MST1R: variants seen among roughly 807,000 people sequenced by gnomAD.
The protein encoded by MST1R is macrophage stimulating 1 receptor, also known as macrophage-stimulating protein receptor.
In MST1R, 99 loss-of-function variants were observed where a neutral mutation model predicts 117.8. The observed-to-expected ratio is 0.84, with a 90% confidence interval of 0.71 to 0.99. The LOEUF (loss-of-function observed/expected upper bound fraction) is 0.99. Ranked by LOEUF, MST1R falls within the 50% of genes least tolerant of loss-of-function variation. MST1R has a pLI of 0.00. For missense variants in MST1R, 1,683 were observed against 1,840.2 expected, an observed-to-expected ratio of 0.91 and a Z score of 1.56; for synonymous variants, 734 against 765.3, an observed-to-expected ratio of 0.96 and a Z score of 0.68.
chr3:49,894,224 T>A lies in MST1R; in HGVS notation c.3271+943A>T, dbSNP rs189727985. On this transcript the variant is annotated intron_variant, in intron 14 of 19. Transcript: ENST00000296474. ...GAGTGAAATTCTGTCTCAAAAAAAA[T>A]AATAATAATAAAATAGAATAAAAAT... 3.9e-3 allele frequency among the ~76,000 whole-genome samples: 555 copies of A among 142,678 alleles called. 4 individuals are homozygous for A. The highest frequency in any genetic ancestry group is 0.013 in the African/African-American group (488 of 38,550). The allele number at this position is 142,678 out of a possible 152,430, so 93.6% of individuals were successfully genotyped here.
chr3:49,903,031 C>T lies in MST1R; in HGVS notation c.579G>A (p.Gln193=). 3 of 1,612,376 alleles carry T rather than the reference C, an allele frequency of 1.9e-6. No homozygotes were observed. Among genetic ancestry groups the T allele is most frequent in the Non-Finnish European group, 2.5e-6 (3 of 1,180,046 alleles). The change falls in exon 1 of 20, where the codon CAG becomes CAA. Residue 193 remains glutamine (Q), a synonymous_variant. Coordinates refer to ENST00000296474, the MANE Select transcript of MST1R (RefSeq NM_002447.4). ...AGGATGCCACGTAGAAATAGGAGGC[C>T]TGGCCTTGCTCAACCACAGTTACAC... is the stretch of plus-strand genomic sequence containing the variant. ...GTRVTVVEQG[Q]ASYFYVASSL...
intron 14 of MST1R, among the ~76,000 whole-genome samples, chr3:49,892,524 C>A (rs2082344486): frequency 6.6e-6 from 1 of 151,556 alleles, no homozygotes; most frequent in Non-Finnish European, 1.5e-5. Flanking sequence ...GAGACTCCAT[C>A]CCCCTCAAAG....
chr3:49,890,235 C>G (rs1270999349), intron 18 of MST1R, among the ~76,000 whole-genome samples, 175 bp from the exon 19 acceptor site: 1 of 152,202 alleles, frequency 6.6e-6, no homozygotes, highest in Non-Finnish European at 1.5e-5. Flanking sequence ...CTCCCACTAC[C>G]TCATCCTACC....
chr3:49,887,662 G>A (rs2082203112), intron 19 of MST1R, 100 bp from the exon 20 acceptor site: 2 of 1,357,624 alleles, frequency 1.5e-6, no homozygotes, highest in East Asian at 4.6e-5. Context: ...CAGGGATGAG[G>A]ATAGATGACA....
chr3:49,888,558 C>T (rs1399974781), intron 19 of MST1R, among the ~76,000 whole-genome samples: 1 of 151,326 alleles, frequency 6.6e-6, no homozygotes, highest in Non-Finnish European at 1.5e-5. Flanking sequence ...GCCAACATTG[C>T]GCCACCGCAC....
Position 49,899,272 on chromosome 3 carries a change from G to T in MST1R, c.1231-9C>A. 6.2e-7 allele frequency: 1 copy of T among 1,613,688 alleles called. No homozygotes were observed. The highest frequency in any genetic ancestry group is 8.5e-7 in the Non-Finnish European group (1 of 1,179,756). On this transcript the variant is annotated splice_polypyrimidine_tract_variant and intron_variant, in intron 1 of 19. Coordinates refer to ENST00000296474, the MANE Select transcript of MST1R (RefSeq NM_002447.4). ...AGGGCTTCCAGGCCAGGCTGGGAAAGGTCAGGGAAGGGAAGGAGTCAGGGT... is the reference window on the plus strand; with the variant it reads ...AGGGCTTCCAGGCCAGGCTGGGAAATGTCAGGGAAGGGAAGGAGTCAGGGT...
At chr3:49,890,365 G>A in intron 18 of MST1R, 120 bp downstream of exon 18, 1 of 1,102,980 alleles carries the variant, frequency 9.1e-7, no homozygotes, top group East Asian at 2.6e-5. Flanking sequence ...GAGCAGATGG[G>A]CTGTGGGGGT....
chr3:49,891,581 C>T lies in MST1R; in HGVS notation c.3353-1G>A. The T allele has an allele frequency of 1.2e-6, 2 of 1,613,730 alleles. No individual in the cohort carries two copies. Among genetic ancestry groups the T allele is most frequent in the East Asian group, 4.5e-5 (2 of 44,888 alleles). ...TCCACCTGCTGCATCTCTGTGATGCCTGCAGAGCAGCGCAAGTCAGGCACA... is the reference window on the plus strand; with the variant it reads ...TCCACCTGCTGCATCTCTGTGATGCTTGCAGAGCAGCGCAAGTCAGGCACA... On this transcript the variant is annotated splice_acceptor_variant, in intron 15 of 19. Transcript: ENST00000296474. LOFTEE classifies it high-confidence loss of function.
intron 5 of MST1R, 106 bp from the exon 6 acceptor site, chr3:49,897,791 C>G: frequency 7.1e-7 from 1 of 1,406,146 alleles, no homozygotes; most frequent in Non-Finnish European, 9.6e-7. Context: ...TGGCATTTCT[C>G]CACCCATGCC....
intron 14 of MST1R, among the ~76,000 whole-genome samples, chr3:49,893,448 A>G (rs1159979926): frequency 6.6e-6 from 1 of 151,784 alleles, no homozygotes; most frequent in African/African-American, 2.4e-5. Context: ...TACTAAAAAT[A>G]CAAAAATTAG....
At chr3:49,890,461 A>T (rs760119381) in intron 18 of MST1R, 24 bp downstream of exon 18, 1 of 1,598,942 alleles carries the variant, frequency 6.3e-7, no homozygotes, top group Non-Finnish European at 8.5e-7. Context: ...AGCCATGTGG[A>T]CTGTAGGGCA....
intron 14 of MST1R, among the ~76,000 whole-genome samples, chr3:49,892,412 A>G (rs1403840028): frequency 1.3e-5 from 2 of 151,928 alleles, no homozygotes; most frequent in African/African-American, 2.4e-5. Context: ...CTCTAGTCCC[A>G]GCTGCTTGGG....
Position 49,895,483 on chromosome 3 carries a change from T to C in MST1R, c.3028A>G (p.Ile1010Val), listed in dbSNP as rs760746470. The C allele has an allele frequency of 4.3e-6, 7 of 1,614,070 alleles. No individual in the cohort carries two copies. Among genetic ancestry groups the C allele is most frequent in the South Asian group, 2.2e-5 (2 of 91,080 alleles). ...CTGTAGTCAGAGCCCGAGTACAGAA[T>C]AGGCAGGGGTGTGGCTCCAGCAGTC... ...DQTAGATPLPILYSGSDYRSG... is the reference protein window; with the variant it reads ...DQTAGATPLPVLYSGSDYRSG... Residue 1010 changes from isoleucine (I) to valine (V), a missense_variant, in exon 13 of 20, where the codon ATT becomes GTT. Physicochemically the swap from Ile to Val is conservative, Grantham distance 29 (BLOSUM62 3). Coordinates refer to ENST00000296474, the MANE Select transcript of MST1R (RefSeq NM_002447.4).
In MST1R at chr3:49,887,693, C is replaced by T. The variant is rs1022547266; in HGVS notation, c.3948-131G>A. 9.4e-6 allele frequency: 9 copies of T among 957,320 alleles called. No individual in the cohort carries two copies. In the Admixed American group the frequency reaches 1.6e-4, roughly 17 times the overall value. The allele number at this position is 957,320 out of a possible 1,614,324, so 59.3% of individuals were successfully genotyped here. ...TGACAGGACCTAGTACCTAGCACTA[C>T]CCAATCAGGGGCAGCTCTTCTCATC... is the stretch of plus-strand genomic sequence containing the variant. On this transcript the variant is annotated intron_variant, in intron 19 of 19. Transcript: ENST00000296474.
intron 1 of MST1R, 83 bp downstream of exon 1, chr3:49,902,297 T>A (rs2108499690): frequency 9.4e-6 from 14 of 1,484,970 alleles, no homozygotes; most frequent in Non-Finnish European, 1.3e-5. Flanking sequence ...CGCCCCCAGA[T>A]CCCCTCAGTG....
intron 17 of MST1R, 38 bp from the exon 18 acceptor site, chr3:49,890,688 C>A: frequency 6.4e-7 from 1 of 1,572,748 alleles, no homozygotes; most frequent in Non-Finnish European, 8.7e-7. Flanking sequence ...AGGACTGGCC[C>A]TTACCAGGCC....
rs1460300933 is a variant in MST1R at position 49,901,982 on chromosome 3, G to A, written c.1230+398C>T. Among the ~76,000 whole-genome samples, 4 of 151,866 alleles carry A rather than the reference G, an allele frequency of 2.6e-5. 1 individual carries two copies. The highest frequency in any genetic ancestry group is 7.3e-5 in the African/African-American group (3 of 41,316). ...GGAGGGGGGAGTGCTATTTTTCTGC[G>A]TGTGTCCCTGAGGATATGGGTGGTG... On this transcript the variant is annotated intron_variant, in intron 1 of 19. Transcript: ENST00000296474.
rs2082192950 is a variant in MST1R, at chr3:49,887,365, G to T, written c.4145C>A (p.Pro1382His). The change falls in exon 20 of 20, where the codon CCC becomes CAC. Residue 1382 changes from proline (P) to histidine (H), a missense_variant. Pro to His is a moderately conservative substitution (Grantham distance 77). Coordinates refer to ENST00000296474, the MANE Select transcript of MST1R (RefSeq NM_002447.4). ...NVRPEQPQFS[P>H]MPGNVRRPRP... ...GGGCCGGCGTACATTCCCTGGCATG[G>T]GTGAGAACTGCGGCTGTTCTGGACG... The T allele has an allele frequency of 6.2e-7, 1 of 1,614,100 alleles. No homozygotes were observed.
In MST1R at chr3:49,898,980, A is replaced by T. The variant is rs1249472448; in HGVS notation, c.1435T>A (p.Ser479Thr). 6.2e-7 allele frequency: 1 copy of T among 1,614,046 alleles called. No individual in the cohort carries two copies. The highest frequency in any genetic ancestry group is 8.5e-7 in the Non-Finnish European group (1 of 1,180,038). Residue 479 changes from serine to threonine, a missense_variant, in exon 3 of 20, where the codon TCA becomes ACA. By Grantham distance (58) the Ser-to-Thr change is moderately conservative. Coordinates refer to ENST00000296474, the MANE Select transcript of MST1R (RefSeq NM_002447.4). ...GACACATACAGCAAGTAGTTTAGTG[A>T]CCTGACCAGCTCCACCTAGGACAGG... is the stretch of plus-strand genomic sequence containing the variant. ...GRILQVELVR[S>T]LNYLLYVSNF... is the part of the protein sequence containing the mutation.
Sources: allele counts gnomAD v4.1 joint callset (sites outside exome capture counted in the v4.1 genomes callset), GRCh38; gene constraint gnomAD v4.1.1; transcripts MANE v1.5; gene names NCBI Gene and HGNC (gene_info 2026-07-23, HGNC 2026-07-21).